Variants in NEDD4 observed in about 807,000 individuals in gnomAD.
NEDD4 encodes E3 ubiquitin-protein ligase NEDD4.
NEDD4 carries 99 observed loss-of-function variants against 144.9 expected under a neutral mutation model. The observed-to-expected ratio is 0.68, with a 90% confidence interval of 0.58 to 0.81. The LOEUF (loss-of-function observed/expected upper bound fraction) is 0.81. Among genes scored for constraint, NEDD4 ranks in the 30% least tolerant of loss-of-function variants. NEDD4 has a pLI of 0.00. For missense variants in NEDD4, 985 were observed against 1,065.9 expected (o/e 0.92, Z 1.06); for synonymous variants, 318 against 350.6 (o/e 0.91, Z 1.04).
At chr15:55,960,696 A>G (rs1268699681) in intron 2 of NEDD4, among the ~76,000 whole-genome samples, 8 of 152,116 alleles carry the variant, frequency 5.3e-5, no homozygotes, top group African/African-American at 1.9e-4. Context: ...CTGTCCCCCT[A>G]GAGAACCCTA....
At chr15:55,951,838 A>C (rs924319181) in intron 2 of NEDD4, among the ~76,000 whole-genome samples, 8 of 152,052 alleles carry the variant, frequency 5.3e-5, no homozygotes, top group African/African-American at 1.7e-4. Context: ...TCACAGGCCT[A>C]ATGATTATAA....
At chr15:55,978,386 A>C (rs1000304291) in intron 1 of NEDD4, among the ~76,000 whole-genome samples, 1 of 152,230 alleles carries the variant, frequency 6.6e-6, no homozygotes, top group Non-Finnish European at 1.5e-5. Context: ...ATTGGTTTTA[A>C]CTTCATTTTA....
At chr15:55,831,846 G>A (rs1430819270) in intron 27 of NEDD4, among the ~76,000 whole-genome samples, 1 of 152,162 alleles carries the variant, frequency 6.6e-6, no homozygotes, top group Non-Finnish European at 1.5e-5. Flanking sequence ...ATTGTTCTGA[G>A]TAGGCCTCCT....
chr15:55,869,118 AC>A (rs1448417876), intron 8 of NEDD4, among the ~76,000 whole-genome samples: 5 of 152,086 alleles, frequency 3.3e-5, no homozygotes, highest in Admixed American at 2.6e-4. Context: ...TGCCCCACAT[AC>A]AGAAGGCTCT....
intron 12 of NEDD4, among the ~76,000 whole-genome samples, chr15:55,855,799 T>C (rs2034169982): frequency 6.6e-6 from 1 of 152,218 alleles, no homozygotes; most frequent in East Asian, 1.9e-4. Flanking sequence ...CTGGATGCCA[T>C]GTGCATGTGC....
chr15:55,911,819 C>T (rs1191029688), intron 5 of NEDD4, among the ~76,000 whole-genome samples: 6 of 152,114 alleles, frequency 3.9e-5, no homozygotes, highest in African/African-American at 7.2e-5. Context: ...TGAGCCACCG[C>T]GCCCGGCCTA....
At chr15:55,962,691 G>A (rs1440150062) in intron 2 of NEDD4, among the ~76,000 whole-genome samples, 3 of 152,034 alleles carry the variant, frequency 2.0e-5, no homozygotes, top group Admixed American at 1.3e-4. Context: ...TGATCCACCC[G>A]CCTTAGCCTC....
chr15:55,848,000 C>T (rs1274086664), intron 17 of NEDD4, among the ~76,000 whole-genome samples: 5 of 152,020 alleles, frequency 3.3e-5, no homozygotes, highest in Non-Finnish European at 4.4e-5. Context: ...TTAAGAATGA[C>T]CCTGGAGTGG....
chr15:55,935,157 CATG>C (rs1228606746), intron 4 of NEDD4, among the ~76,000 whole-genome samples: 7 of 152,024 alleles, frequency 4.6e-5, no homozygotes, highest in Non-Finnish European at 8.8e-5. Flanking sequence ...CATGAGCCAC[CATG>C]TCTGGCCTTG....
rs757974612 is a variant in NEDD4 at position 55,916,016 on chromosome 15, A to C, written c.291+8630T>G. 1.9e-6 allele frequency: 3 copies of C among 1,613,492 alleles called. No individual in the cohort carries two copies. The South Asian group carries it at 3.3e-5, about 18-fold the overall frequency. ...GAGAAGTCGGTCGGGTAGTTGAAGG[A>C]CTCCTAGGAAAAATGACTAAGGAGG... On this transcript the variant is annotated intron_variant, in intron 5 of 28. Coordinates refer to ENST00000435532, the MANE Select transcript of NEDD4 (RefSeq NM_006154.4).
chr15:55,872,176 G>A (rs1042233936), intron 7 of NEDD4, among the ~76,000 whole-genome samples: 18 of 152,022 alleles, frequency 1.2e-4, no homozygotes, highest in South Asian at 4.2e-4. Context: ...TTAGGAGAAC[G>A]AATCTTTCCC....
intron 5 of NEDD4, among the ~76,000 whole-genome samples, chr15:55,891,234 TA>T (rs1289395581): frequency 6.6e-6 from 1 of 152,190 alleles, no homozygotes; most frequent in African/African-American, 2.4e-5. Context: ...TGATCCCAAA[TA>T]GCTGTATTTC....
chr15:55,851,271 T>G (rs2033968784), intron 13 of NEDD4, among the ~76,000 whole-genome samples: 1 of 152,168 alleles, frequency 6.6e-6, no homozygotes. Flanking sequence ...ATATTAGTAG[T>G]TAAGAGAAAT....
chr15:55,932,417 GA>G (rs2036800496), intron 4 of NEDD4, among the ~76,000 whole-genome samples: 1 of 152,176 alleles, frequency 6.6e-6, no homozygotes, highest in African/African-American at 2.4e-5. Flanking sequence ...AAGAAACGGG[GA>G]AAGGATTCCC....
intron 4 of NEDD4, among the ~76,000 whole-genome samples, chr15:55,925,115 T>A (rs10518831): frequency 6.6e-6 from 1 of 152,108 alleles, no homozygotes; most frequent in African/African-American, 2.4e-5. Flanking sequence ...TGCCATTTTC[T>A]AATTCCGATT....
intron 5 of NEDD4, among the ~76,000 whole-genome samples, chr15:55,900,445 G>C (rs547924030): frequency 2.0e-5 from 3 of 152,278 alleles, no homozygotes; most frequent in South Asian, 2.1e-4. Context: ...AGATTAAATG[G>C]AGTAAACAGA....
intron 5 of NEDD4, among the ~76,000 whole-genome samples, chr15:55,903,839 A>ACC (rs1555401925): frequency 1.2e-4 from 13 of 106,186 alleles, no homozygotes; most frequent in Admixed American, 5.4e-4. Context: ...AAAAAAAAAA[A>ACC]ACACACATAT....
chr15:55,971,292 GC>G (rs2037603741), intron 1 of NEDD4, among the ~76,000 whole-genome samples: 1 of 152,090 alleles, frequency 6.6e-6, no homozygotes, highest in Non-Finnish European at 1.5e-5. Flanking sequence ...AACAAAGCAT[GC>G]CTACAGGATC....
chr15:55,887,131 A>T (rs1288685238), intron 5 of NEDD4, among the ~76,000 whole-genome samples: 1 of 152,078 alleles, frequency 6.6e-6, no homozygotes, highest in African/African-American at 2.4e-5. Context: ...TTAGTAGAAT[A>T]AAAGAGATAA....
Sources: allele counts gnomAD v4.1 joint callset (sites outside exome capture counted in the v4.1 genomes callset), GRCh38; gene constraint gnomAD v4.1.1; transcripts MANE v1.5; gene names NCBI Gene and HGNC (gene_info 2026-07-23, HGNC 2026-07-21).